The following OR6P1 variants were observed in gnomAD, a reference collection of about 807,000 sequenced individuals.
The protein encoded by OR6P1 is olfactory receptor family 6 subfamily P member 1, also known as olfactory receptor 6P1.
OR6P1 carries 5 observed loss-of-function variants against 6.6 expected under a neutral mutation model. The observed-to-expected ratio is 0.76, with a 90% CI of 0.40 to 1.60. The LOEUF is 1.60. Among genes scored for constraint, OR6P1 ranks in the 40% most tolerant of loss-of-function variants. OR6P1 has a pLI of 0.02. For missense variants in OR6P1, 451 were observed against 383.0 expected (o/e 1.18, Z -1.48); for synonymous variants, 177 against 149.6 (o/e 1.18, Z -1.33).
Position 158,562,876 on chromosome 1 carries a change from A to G in OR6P1, c.729T>C (p.Ala243=), listed in dbSNP as rs1333110546. 2 of 1,552,044 alleles carry G rather than the reference A, an allele frequency of 1.3e-6. No individual in the cohort carries two copies. The highest frequency in any genetic ancestry group is 2.0e-5 in the Admixed American group (1 of 51,006). Residue 243 remains alanine, a synonymous_variant, in exon 3 of 3, where the codon GCT becomes GCC. Transcript: ENST00000641540. ...GRHKAFSTCA[A]HLAVVVIYYS... ...AGTAGATAACAACCACTGCCAGATG[A>G]GCGGCACAAGTGGAAAAGGCTTTGT...
chr1:158,567,574 C>T (rs990919326), intron 1 of OR6P1, among the ~76,000 whole-genome samples: 1 of 143,448 alleles, frequency 7.0e-6, no homozygotes, highest in African/African-American at 2.6e-5. Flanking sequence ...TATTCTCACT[C>T]ATAGGTGGGA....
intron 1 of OR6P1, among the ~76,000 whole-genome samples, chr1:158,568,694 C>G (rs998018884): frequency 6.6e-6 from 1 of 152,164 alleles, no homozygotes; most frequent in Non-Finnish European, 1.5e-5. Context: ...ATTTATTCCT[C>G]CAGTCACAGC....
chr1:158,562,364 G>A lies in OR6P1; in HGVS notation c.*287C>T, dbSNP rs1160974241. On this transcript the variant is annotated 3_prime_UTR_variant, in exon 3 of 3. Coordinates refer to ENST00000641540, the MANE Select transcript of OR6P1 (RefSeq NM_001160325.2). ...AGTTTTGAATATTATTCACGGCAGGGTTACATTCCACACATACTCAGTAAG... is the reference window on the plus strand; with the variant it reads ...AGTTTTGAATATTATTCACGGCAGGATTACATTCCACACATACTCAGTAAG... 2 of 360,684 alleles carry A rather than the reference G, an allele frequency of 5.5e-6. No homozygotes were observed. The highest frequency in any genetic ancestry group is 2.1e-5 in the African/African-American group (1 of 46,552). 22.3% of individuals were successfully genotyped at this position (360,684 alleles called of 1,614,324 possible). A position where few individuals can be genotyped will look rare whatever the true frequency, so the allele number is the denominator to read the frequency against.
Position 158,562,482 on chromosome 1 carries a change from G to A in OR6P1, c.*169C>T. ...GTCCAACCTTAGTTTGAAAACCCCTGTAAAAAATAAATGATTCATAAAGTT... is the reference window on the plus strand; with the variant it reads ...GTCCAACCTTAGTTTGAAAACCCCTATAAAAAATAAATGATTCATAAAGTT... On this transcript the variant is annotated 3_prime_UTR_variant, in exon 3 of 3. Transcript: ENST00000641540. 1 of 586,196 alleles carries A rather than the reference G, an allele frequency of 1.7e-6. No homozygotes were observed. Among genetic ancestry groups the A allele is most frequent in the Non-Finnish European group, 3.0e-6 (1 of 332,638 alleles). 36.3% of individuals were successfully genotyped at this position (586,196 alleles called of 1,614,324 possible). A position where few individuals can be genotyped will look rare whatever the true frequency, so the allele number is the denominator to read the frequency against.
At position 158,563,591 on chromosome 1, in the gene OR6P1, C is replaced by G. The variant is rs187277536; in HGVS notation, c.14G>C (p.Ser5Thr). MRNL[S>T]GGHVEEFVLV... ...GACAAACTCCTCGACATGGCCTCCA[C>G]TCAAATTTCTCATGGCTCTCTGTCC... Residue 5 changes from serine to threonine, a missense_variant, in exon 3 of 3, where the codon AGT becomes ACT. Transcript: ENST00000641540. 2.2e-5 allele frequency: 34 copies of G among 1,539,346 alleles called. No homozygotes were observed. In the East Asian group the frequency reaches 7.6e-4, roughly 34 times the overall value.
rs1466663520 is a variant in OR6P1 at position 158,563,069 on chromosome 1, C to T, written c.536G>A (p.Cys179Tyr). Reference sequence around the variant, plus strand: ...GAGGTTGAGTAGTGGGGAAATATCACAGAAAAAGTGGTTGATAATGTTGGG... The same window carrying T: ...GAGGTTGAGTAGTGGGGAAATATCATAGAAAAAGTGGTTGATAATGTTGGG... ...CGPNIINHFFCDISPLLNLTC... is the reference protein window; with the variant it reads ...CGPNIINHFFYDISPLLNLTC... The change falls in exon 3 of 3, where the codon TGT (cysteine) becomes TAT (tyrosine). Residue 179 changes from cysteine to tyrosine, a missense_variant. Coordinates refer to ENST00000641540, the MANE Select transcript of OR6P1 (RefSeq NM_001160325.2). 15 of 1,551,596 alleles carry T rather than the reference C, an allele frequency of 9.7e-6. No homozygotes were observed. The highest frequency in any genetic ancestry group is 1.4e-5 in the African/African-American group (1 of 72,966).
intron 1 of OR6P1, among the ~76,000 whole-genome samples, chr1:158,567,354 T>C (rs1648124346): frequency 6.6e-6 from 1 of 151,434 alleles, no homozygotes; most frequent in South Asian, 2.1e-4. Flanking sequence ...CGTGTGTTTA[T>C]TGCGGCACTA....
chr1:158,569,114 A>G (rs1408565146), intron 1 of OR6P1, among the ~76,000 whole-genome samples: 1 of 152,198 alleles, frequency 6.6e-6, no homozygotes, highest in Non-Finnish European at 1.5e-5. Flanking sequence ...AATATTTGTC[A>G]TTCCTACTTC....
rs1647988150 is a variant in OR6P1 at position 158,562,829 on chromosome 1, T to C, written c.776A>G (p.Tyr259Cys). ...GGTGTACATGGCCCGGGGCCGTGCATAGGTGAAGAGAGTGGAGGAGTAGTA... is the reference window on the plus strand; with the variant it reads ...GGTGTACATGGCCCGGGGCCGTGCACAGGTGAAGAGAGTGGAGGAGTAGTA... Reference protein sequence around the residue: ...VIYYSSTLFTYARPRAMYTFN... With the variant: ...VIYYSSTLFTCARPRAMYTFN... Residue 259 changes from tyrosine to cysteine, a missense_variant, in exon 3 of 3, where the codon TAT becomes TGT. Tyr to Cys is a radical substitution (Grantham distance 194). Transcript: ENST00000641540. 2.6e-6 allele frequency: 4 copies of C among 1,552,018 alleles called. No individual in the cohort carries two copies. The highest frequency in any genetic ancestry group is 3.5e-6 in the Non-Finnish European group (4 of 1,147,086).
At position 158,562,819 on chromosome 1, in the gene OR6P1, G is replaced by A. The variant is rs758406845; in HGVS notation, c.786C>T (p.Pro262=). The change falls in exon 3 of 3, where the codon CCC becomes CCT. Residue 262 remains proline, a synonymous_variant. Transcript: ENST00000641540. ...YSSTLFTYAR[P]RAMYTFNHNK... ...TGTGGTTGAAGGTGTACATGGCCCG[G>A]GGCCGTGCATAGGTGAAGAGAGTGG... 6.4e-7 allele frequency: 1 copy of A among 1,552,120 alleles called. No homozygotes were observed. Among genetic ancestry groups the A allele is most frequent in the African/African-American group, 1.4e-5 (1 of 73,148 alleles).
Position 158,562,537 on chromosome 1 carries a change from T to G in OR6P1, c.*114A>C. The stretch of plus-strand genomic sequence containing the variant: ...TTGTATCAGAAGGTCCCAGACAATA[T>G]TTAGAGAAAATGTTGGCAAATTATA... On this transcript the variant is annotated 3_prime_UTR_variant, in exon 3 of 3. Coordinates refer to ENST00000641540, the MANE Select transcript of OR6P1 (RefSeq NM_001160325.2). 1 of 659,308 alleles carries G rather than the reference T, an allele frequency of 1.5e-6. No individual in the cohort carries two copies. The highest frequency in any genetic ancestry group is 2.7e-6 in the Non-Finnish European group (1 of 377,074). 40.8% of individuals were successfully genotyped at this position (659,308 alleles called of 1,614,324 possible). A position where few individuals can be genotyped will look rare whatever the true frequency, so the allele number is the denominator to read the frequency against.
chr1:158,563,104 G>A lies in OR6P1; in HGVS notation c.501C>T (p.Ser167=), dbSNP rs143947332. The A allele has an allele frequency of 2.8e-4, 438 of 1,551,714 alleles. 1 individual carries two copies. In the African/African-American group the frequency reaches 4.9e-3, roughly 17 times the overall value. ...GGTTGATAATGTTGGGTCCACAGTA[G>A]GACAATTGGGAAATAAAAAGAAGCT... The part of the protein sequence containing the change: ...MMKLLFISQL[S]YCGPNIINHF... Residue 167 remains serine, a synonymous_variant, in exon 3 of 3, where the codon TCC becomes TCT. Coordinates refer to ENST00000641540, the MANE Select transcript of OR6P1 (RefSeq NM_001160325.2).
chr1:158,562,614 T>C lies in OR6P1; in HGVS notation c.*37A>G. The C allele has an allele frequency of 1.7e-6, 2 of 1,202,020 alleles. No individual in the cohort carries two copies. Among genetic ancestry groups the C allele is most frequent in the Non-Finnish European group, 2.4e-6 (2 of 829,356 alleles). The allele number at this position is 1,202,020 out of a possible 1,614,324, so 74.5% of individuals were successfully genotyped here. A position where few individuals can be genotyped will look rare whatever the true frequency, so the allele number is the denominator to read the frequency against. On this transcript the variant is annotated 3_prime_UTR_variant, in exon 3 of 3. Transcript: ENST00000641540. ...ATTCCTTGAGGAGGCCCTATTAAGA[T>C]TCTGCTATTTTCACCTCTCCCAAGA...
chr1:158,562,574 T>C lies in OR6P1; in HGVS notation c.*77A>G, dbSNP rs1396101392. On this transcript the variant is annotated 3_prime_UTR_variant, in exon 3 of 3. Transcript: ENST00000641540. Reference sequence around the variant, plus strand: ...GTTGGCAAATTATATTTATGTTCCCTTAAAGCCTATTCTGATTCCTTGAGG... The same window carrying C: ...GTTGGCAAATTATATTTATGTTCCCCTAAAGCCTATTCTGATTCCTTGAGG... 2.5e-6 allele frequency: 2 copies of C among 807,318 alleles called. No individual in the cohort carries two copies. The highest frequency in any genetic ancestry group is 4.1e-6 in the Non-Finnish European group (2 of 486,188). 50.0% of individuals were successfully genotyped at this position (807,318 alleles called of 1,614,324 possible).
rs1232857978 is a variant in OR6P1 at position 158,562,789 on chromosome 1, C to A, written c.816G>T (p.Lys272Asn). 1.2e-5 allele frequency: 18 copies of A among 1,552,630 alleles called. No homozygotes were observed. Among genetic ancestry groups the A allele is most frequent in the Non-Finnish European group, 1.5e-5 (17 of 1,147,398 alleles). ...TGATAGTGTAGAGCACAGAGATAAT[C>A]TTGTTGTGGTTGAAGGTGTACATGG... Reference protein sequence around the residue: ...PRAMYTFNHNKIISVLYTIIV... With the variant: ...PRAMYTFNHNNIISVLYTIIV... Residue 272 changes from lysine (K) to asparagine (N), a missense_variant, in exon 3 of 3, where the codon AAG (lysine) becomes AAT (asparagine). By Grantham distance (94) the Lys-to-Asn change is moderately conservative. Transcript: ENST00000641540.
rs1238861642 is a variant in OR6P1, at chr1:158,563,004, G to A, written c.601C>T (p.Leu201Phe). ...DKEQAELVDFLLALVMILLPL... is the reference protein window; with the variant it reads ...DKEQAELVDFFLALVMILLPL... ...AGTAGAATCATCACCAGGGCCAGAA[G>A]GAAGTCTACTAGCTCTGCTTGCTCC... is the stretch of plus-strand genomic sequence containing the variant. The change falls in exon 3 of 3, where the codon CTT becomes TTT. Residue 201 changes from leucine to phenylalanine, a missense_variant. Transcript: ENST00000641540. 2 of 1,551,760 alleles carry A rather than the reference G, an allele frequency of 1.3e-6. No individual in the cohort carries two copies. Among genetic ancestry groups the A allele is most frequent in the Non-Finnish European group, 1.7e-6 (2 of 1,147,000 alleles).
intron 2 of OR6P1, among the ~76,000 whole-genome samples, chr1:158,565,987 A>T (rs1648087736): frequency 6.6e-6 from 1 of 152,242 alleles, no homozygotes; most frequent in Non-Finnish European, 1.5e-5. Context: ...CATTGAAAGA[A>T]ATAGATTGCA....
intron 2 of OR6P1, among the ~76,000 whole-genome samples, chr1:158,565,248 G>T (rs771510480): frequency 6.6e-6 from 1 of 151,850 alleles, no homozygotes; most frequent in Non-Finnish European, 1.5e-5. Context: ...TGCATTATGA[G>T]AATTGAACTT....
intron 2 of OR6P1, 147 bp downstream of exon 2, chr1:158,566,617 T>C (rs1262444001): frequency 6.6e-6 from 1 of 152,218 alleles, no homozygotes; most frequent in East Asian, 1.9e-4. Context: ...ATTAGTGGAA[T>C]GAGTTTCAGT....
Sources: allele counts gnomAD v4.1 joint callset (sites outside exome capture counted in the v4.1 genomes callset), GRCh38; gene constraint gnomAD v4.1.1; transcripts MANE v1.5; gene names NCBI Gene and HGNC (gene_info 2026-07-23, HGNC 2026-07-21).